The following TBC1D9B variants were observed in gnomAD, a reference collection of about 807,000 sequenced individuals.
The protein encoded by TBC1D9B is TBC1 domain family member 9B.
A neutral mutation model predicts 121.1 loss-of-function variants in TBC1D9B; 87 were observed. That is an observed-to-expected ratio of 0.72 (90% CI 0.60 to 0.86). TBC1D9B has a LOEUF of 0.86. TBC1D9B is among the 40% of genes least tolerant of loss of function. The pLI is 0.00. For missense variants in TBC1D9B, 1,540 were observed against 1,628.6 expected, an observed-to-expected ratio of 0.95 and a Z score of 0.94; for synonymous variants, 668 against 670.1, an observed-to-expected ratio of 1.00 and a Z score of 0.05.
chr5:179,892,964 G>A (rs1468872013), intron 5 of TBC1D9B, among the ~76,000 whole-genome samples: 1 of 152,208 alleles, frequency 6.6e-6, no homozygotes, highest in Non-Finnish European at 1.5e-5. Flanking sequence ...AGGGCCAAGA[G>A]GAATAAAGTG....
intron 15 of TBC1D9B, 69 bp downstream of exon 15, chr5:179,871,393 G>C: frequency 2.7e-6 from 4 of 1,471,290 alleles, no homozygotes; most frequent in Admixed American, 3.5e-5. Flanking sequence ...GATACTCTTA[G>C]ATCCATTTCT....
rs535096053 is a variant in TBC1D9B, at chr5:179,900,151, C to T, written c.230-844G>A. Among the ~76,000 whole-genome samples the T allele has an allele frequency of 4.6e-5, 7 of 152,196 alleles. No individual in the cohort carries two copies. In the South Asian group the frequency reaches 8.3e-4, roughly 18 times the overall value. ...GGGAGGATTGCTTGAGCCTGGGAGG[C>T]GGAGGCTACAGTGCAGCCTGAGTGA... On this transcript the variant is annotated intron_variant, in intron 2 of 20. Coordinates refer to ENST00000355235, the MANE Select transcript of TBC1D9B (RefSeq NM_015043.4).
At position 179,875,321 on chromosome 5, in the gene TBC1D9B, T is replaced by G. The variant is rs1760330166; in HGVS notation, c.1901-134A>C. 6 of 1,167,312 alleles carry G rather than the reference T, an allele frequency of 5.1e-6. No homozygotes were observed. In the South Asian group the frequency reaches 7.9e-5, roughly 15 times the overall value. The allele number at this position is 1,167,312 out of a possible 1,614,324, so 72.3% of individuals were successfully genotyped here. On this transcript the variant is annotated intron_variant, in intron 11 of 20. Coordinates refer to ENST00000355235, the MANE Select transcript of TBC1D9B (RefSeq NM_015043.4). The surrounding 1 kb of genome is among the most constrained non-coding windows in gnomAD (Gnocchi z 4.5). ...GAGGGCTGAGGGAGACTTGGAGTGCTGGGAGAAAACAAGGACGAAAAAACC... is the reference window on the plus strand; with the variant it reads ...GAGGGCTGAGGGAGACTTGGAGTGCGGGGAGAAAACAAGGACGAAAAAACC...
At chr5:179,898,628 T>C (rs376011008) in intron 3 of TBC1D9B, among the ~76,000 whole-genome samples, 13 of 152,102 alleles carry the variant, frequency 8.5e-5, no homozygotes, top group Admixed American at 6.5e-4. Flanking sequence ...TTTGTATTTT[T>C]AGTAGAGATG....
chr5:179,907,897 T>TGCGGA (rs1262235724), upstream of TBC1D9B: 26 of 857,212 alleles, frequency 3.0e-5, no homozygotes, highest in Middle Eastern at 5.7e-4. This position sits in a 1 kb window ranked among gnomAD's most constrained non-coding sequence, Gnocchi z 5.3. Flanking sequence ...GAGCGGAGCG[T>TGCGGA]GCGGAGCGGA....
At position 179,904,602 on chromosome 5, in the gene TBC1D9B, G is replaced by A. The variant is rs1315311306; in HGVS notation, c.229+100C>T. Reference sequence around the variant, plus strand: ...AGCCTTGGGCTATGCTGTCAGCAGGGAATACCACCCAGACACGTGGGCTAC... The same window carrying A: ...AGCCTTGGGCTATGCTGTCAGCAGGAAATACCACCCAGACACGTGGGCTAC... On this transcript the variant is annotated intron_variant, in intron 2 of 20. Coordinates refer to ENST00000355235, the MANE Select transcript of TBC1D9B (RefSeq NM_015043.4). The surrounding 1 kb of genome is among the most constrained non-coding windows in gnomAD (Gnocchi z 4.2). 3.9e-6 allele frequency: 4 copies of A among 1,027,114 alleles called. No individual in the cohort carries two copies. The highest frequency in any genetic ancestry group is 5.8e-6 in the Non-Finnish European group (4 of 686,338). The allele number at this position is 1,027,114 out of a possible 1,614,324, so 63.6% of individuals were successfully genotyped here.
intron 1 of TBC1D9B, among the ~76,000 whole-genome samples, chr5:179,906,366 G>A (rs528611010): frequency 6.6e-6 from 1 of 152,300 alleles, no homozygotes; most frequent in East Asian, 1.9e-4. Context: ...AGGTGGAAAG[G>A]AGAAGAGCCC....
In TBC1D9B at chr5:179,904,311, G is replaced by A. The variant is rs1322874486; in HGVS notation, c.229+391C>T. 2.1e-5 allele frequency among the ~76,000 whole-genome samples: 3 copies of A among 144,310 alleles called. No homozygotes were observed. Among genetic ancestry groups the A allele is most frequent in the African/African-American group, 5.3e-5 (2 of 37,996 alleles). 94.7% of individuals were successfully genotyped at this position (144,310 alleles called of 152,430 possible). On this transcript the variant is annotated intron_variant, in intron 2 of 20. Coordinates refer to ENST00000355235, the MANE Select transcript of TBC1D9B (RefSeq NM_015043.4). This position sits in a 1 kb window ranked among gnomAD's most constrained non-coding sequence, Gnocchi z 4.2. ...GCGATCTCGGCTCACTGCAAGCTCC[G>A]CCTCCCGGGTTCACGCCATTCTCCT...
intron 6 of TBC1D9B, 64 bp from the exon 7 acceptor site, chr5:179,888,376 G>C (rs1033961981): frequency 3.3e-6 from 5 of 1,496,922 alleles, no homozygotes; most frequent in African/African-American, 1.4e-5. Flanking sequence ...GGCATGCTTT[G>C]TGAATGGCAG....
Position 179,865,962 on chromosome 5 carries a change from A to C in TBC1D9B, c.2864-74T>G. ...GGACTGCAAGCTCCTGGGGTCCTTG[A>C]GATGTAGTCTGTGTTTCTGTACAGC... On this transcript the variant is annotated intron_variant, in intron 18 of 20. Transcript: ENST00000355235. The surrounding 1 kb of genome is among the most constrained non-coding windows in gnomAD (Gnocchi z 5.1). 15 of 1,573,954 alleles carry C rather than the reference A, an allele frequency of 9.5e-6. No homozygotes were observed. Among genetic ancestry groups the C allele is most frequent in the Non-Finnish European group, 9.6e-6 (11 of 1,144,460 alleles).
Position 179,907,478 on chromosome 5 carries a change from G to A in TBC1D9B, c.118+226C>T, listed in dbSNP as rs1473483777. ...CAAGCCGACCTGAGGAGAGCCCGCC[G>A]AGGGCGCATTCGCCTCCCGCCAGCC... On this transcript the variant is annotated intron_variant, in intron 1 of 20. Coordinates refer to ENST00000355235, the MANE Select transcript of TBC1D9B (RefSeq NM_015043.4). The surrounding 1 kb of genome is among the most constrained non-coding windows in gnomAD (Gnocchi z 5.3). Among the ~76,000 whole-genome samples, 1 of 151,320 alleles carries A rather than the reference G, an allele frequency of 6.6e-6. No individual in the cohort carries two copies. The highest frequency in any genetic ancestry group is 1.5e-5 in the Non-Finnish European group (1 of 67,562).
At chr5:179,899,156 G>A (rs774020054) in intron 3 of TBC1D9B, 33 bp downstream of exon 3, 3 of 1,551,000 alleles carry the variant, frequency 1.9e-6, no homozygotes, top group South Asian at 1.1e-5. Flanking sequence ...GGCCAGGGAA[G>A]GGTGAGAACA....
chr5:179,892,428 A>T (rs1760892591), intron 5 of TBC1D9B, among the ~76,000 whole-genome samples: 3 of 152,244 alleles, frequency 2.0e-5, no homozygotes. Flanking sequence ...GTCGCTCAAC[A>T]CAAGGGTGTG....
Position 179,875,319 on chromosome 5 carries a change from G to A in TBC1D9B, c.1901-132C>T, listed in dbSNP as rs1760330111. On this transcript the variant is annotated intron_variant, in intron 11 of 20. Transcript: ENST00000355235. This position sits in a 1 kb window ranked among gnomAD's most constrained non-coding sequence, Gnocchi z 4.5. ...GTGAGGGCTGAGGGAGACTTGGAGT[G>A]CTGGGAGAAAACAAGGACGAAAAAA... The A allele has an allele frequency of 8.5e-6, 10 of 1,179,892 alleles. No homozygotes were observed. Among genetic ancestry groups the A allele is most frequent in the Non-Finnish European group, 1.2e-5 (10 of 862,038 alleles). 73.1% of individuals were successfully genotyped at this position (1,179,892 alleles called of 1,614,324 possible).
rs930384470 is a variant in TBC1D9B at position 179,874,598 on chromosome 5, GT to G, written c.2186+303del. Among the ~76,000 whole-genome samples, 3 of 152,174 alleles carry G rather than the reference GT, an allele frequency of 2.0e-5. No homozygotes were observed. Among genetic ancestry groups the G allele is most frequent in the African/African-American group, 7.2e-5 (3 of 41,438 alleles). On this transcript the variant is annotated intron_variant, in intron 12 of 20. Transcript: ENST00000355235. This position sits in a 1 kb window ranked among gnomAD's most constrained non-coding sequence, Gnocchi z 4.3. ...AGCTGTGCCACCAACTGGAATTGTGGTCACTGGATCTTGGCTCTGGTTTGCC... is the reference window on the plus strand; with the variant it reads ...AGCTGTGCCACCAACTGGAATTGTGGCACTGGATCTTGGCTCTGGTTTGCC...
intron 3 of TBC1D9B, among the ~76,000 whole-genome samples, chr5:179,897,487 T>C (rs1186899887): frequency 2.6e-5 from 4 of 152,080 alleles, no homozygotes; most frequent in Non-Finnish European, 5.9e-5. Flanking sequence ...CCAGCTACTT[T>C]TTAAATATTT....
At position 179,890,369 on chromosome 5, in the gene TBC1D9B, C is replaced by T. The variant is rs1305172467; in HGVS notation, c.1044+1010G>A. 1.3e-5 allele frequency among the ~76,000 whole-genome samples: 2 copies of T among 152,204 alleles called. No homozygotes were observed. The highest frequency in any genetic ancestry group is 1.3e-4 in the Admixed American group (2 of 15,284). On this transcript the variant is annotated intron_variant, in intron 6 of 20. Coordinates refer to ENST00000355235, the MANE Select transcript of TBC1D9B (RefSeq NM_015043.4). The surrounding 1 kb of genome is among the most constrained non-coding windows in gnomAD (Gnocchi z 5.0). ...TGTCAAGGGCCCGGCAGGAGAAATC[C>T]AAACGGAGCCTCAGGTGTCAGGAAG...
At chr5:179,887,906 T>C in intron 7 of TBC1D9B, 197 bp downstream of exon 7, 1 of 672,338 alleles carries the variant, frequency 1.5e-6, no homozygotes, top group Admixed American at 2.8e-5. Context: ...GGTGTGTGGC[T>C]GGGGGTGCAG....
chr5:179,876,618 C>A (rs1760367297), intron 10 of TBC1D9B, among the ~76,000 whole-genome samples: 1 of 152,166 alleles, frequency 6.6e-6, no homozygotes, highest in South Asian at 2.1e-4. Context: ...GAAATGCTAA[C>A]CTAAAGTACA....
Sources: allele counts gnomAD v4.1 joint callset (sites outside exome capture counted in the v4.1 genomes callset), GRCh38; gene constraint gnomAD v4.1.1; non-coding constraint Gnocchi (gnomAD v3.1); transcripts MANE v1.5; gene names NCBI Gene and HGNC (gene_info 2026-07-23, HGNC 2026-07-21).